The following FAP variants were observed in gnomAD, a reference collection of about 807,000 sequenced individuals.
FAP encodes fibroblast activation protein alpha.
A neutral mutation model predicts 126.5 loss-of-function variants in FAP; 110 were observed. That is an observed-to-expected ratio of 0.87 (90% CI 0.74 to 1.02). The LOEUF is 1.02. Among genes scored for constraint, FAP ranks in the 50% least tolerant of loss-of-function variants. FAP has a pLI of 0.00. For missense variants in FAP, 919 were observed against 909.2 expected (o/e 1.01, Z -0.14); for synonymous variants, 334 against 297.3 (o/e 1.12, Z -1.27).
At chr2:162,234,465 A>G (rs928506395) in intron 2 of FAP, among the ~76,000 whole-genome samples, 7 of 152,158 alleles carry the variant, frequency 4.6e-5, no homozygotes, top group African/African-American at 1.7e-4. Context: ...TGTTAGTTCT[A>G]ATAGTTTTTT....
intron 21 of FAP, chr2:162,176,803 AT>A (rs1354635491): frequency 6.6e-6 from 1 of 152,198 alleles, no homozygotes; most frequent in African/African-American, 2.4e-5. Context: ...AAGCCTTTGT[AT>A]ATCATGAAAA....
At chr2:162,222,283 C>A (rs919689410) in intron 6 of FAP, among the ~76,000 whole-genome samples, 8 of 152,112 alleles carry the variant, frequency 5.3e-5, no homozygotes, top group African/African-American at 1.9e-4. Flanking sequence ...GTGCCCCAAG[C>A]TCATTTGCAT....
intron 21 of FAP, among the ~76,000 whole-genome samples, 191 bp downstream of exon 21, chr2:162,183,223 A>T (rs1194218916): frequency 6.6e-6 from 1 of 152,188 alleles, no homozygotes; most frequent in Non-Finnish European, 1.5e-5. Context: ...AGGGAAGAAA[A>T]GATTGAAAAA....
intron 11 of FAP, among the ~76,000 whole-genome samples, chr2:162,212,055 G>A (rs1688958569): frequency 6.6e-6 from 1 of 152,142 alleles, no homozygotes; most frequent in South Asian, 2.1e-4. Context: ...ATTCAAACAT[G>A]ATATTCTAAA....
At chr2:162,183,311 T>C (rs1687753956) in intron 21 of FAP, 103 bp downstream of exon 21, 4 of 898,440 alleles carry the variant, frequency 4.5e-6, no homozygotes, top group Non-Finnish European at 7.2e-6. Context: ...GATTAAATTA[T>C]GTTGCAACAT....
At chr2:162,195,024 A>C in intron 16 of FAP, 5 of 429,072 alleles carry the variant, frequency 1.2e-5, no homozygotes, top group East Asian at 4.3e-5. Flanking sequence ...AATTACACAA[A>C]TGCACCCCAG....
chr2:162,241,321 A>G (rs986987866), intron 2 of FAP, among the ~76,000 whole-genome samples: 1 of 152,242 alleles, frequency 6.6e-6, no homozygotes, highest in Non-Finnish European at 1.5e-5. Flanking sequence ...GTATATTTAT[A>G]TGTAAGCTAT....
intron 20 of FAP, among the ~76,000 whole-genome samples, chr2:162,183,906 C>T (rs1406621557): frequency 6.6e-6 from 1 of 152,138 alleles, no homozygotes; most frequent in Non-Finnish European, 1.5e-5. Flanking sequence ...TAATGATAAT[C>T]ATCACTTCAT....
intron 11 of FAP, among the ~76,000 whole-genome samples, chr2:162,213,366 C>T (rs1471169761): frequency 5.4e-5 from 8 of 147,056 alleles, no homozygotes; most frequent in African/African-American, 7.6e-5. Flanking sequence ...CAGAGCGAGA[C>T]GCCATCTCAA....
intron 20 of FAP, among the ~76,000 whole-genome samples, chr2:162,187,019 G>T (rs533987045): frequency 6.6e-6 from 1 of 151,974 alleles, no homozygotes. Flanking sequence ...CTAATTTGTC[G>T]TATTGTACTC....
rs953484811 is a variant in FAP, at chr2:162,230,530, T to TA, written c.92-3910dup. On this transcript the variant is annotated intron_variant, in intron 2 of 25. Coordinates refer to ENST00000188790, the MANE Select transcript of FAP (RefSeq NM_004460.5). ...GGAGCTCAATAAATATTTGCTGAAT[T>TA]AAAAAAAAAACCAACTTGACAGATT... Among the ~76,000 whole-genome samples the TA allele has an allele frequency of 4.7e-5, 7 of 149,080 alleles. No individual in the cohort carries two copies. In the East Asian group the frequency reaches 5.9e-4, roughly 12 times the overall value.
chr2:162,197,864 C>T (rs1242652305), intron 16 of FAP: 1 of 337,388 alleles, frequency 3.0e-6, no homozygotes, highest in East Asian at 7.9e-5. Context: ...TCCAAGTACT[C>T]TAACTCTCAG....
intron 12 of FAP, among the ~76,000 whole-genome samples, chr2:162,205,295 C>T (rs1335419228): frequency 1.3e-5 from 2 of 152,126 alleles, no homozygotes; most frequent in Non-Finnish European, 2.9e-5. Context: ...ATAAGACCAA[C>T]CTTGGTAGGA....
At chr2:162,234,141 T>C (rs1461575854) in intron 2 of FAP, among the ~76,000 whole-genome samples, 1 of 152,178 alleles carries the variant, frequency 6.6e-6, no homozygotes, top group Non-Finnish European at 1.5e-5. Context: ...GAAGTGTGAT[T>C]CCTCTAAGTT....
intron 12 of FAP, among the ~76,000 whole-genome samples, chr2:162,207,695 A>C (rs1559778829): frequency 6.7e-6 from 1 of 150,356 alleles, no homozygotes; most frequent in Non-Finnish European, 1.5e-5. Flanking sequence ...AAGGAGACAT[A>C]TGTGCCTCCA....
intron 10 of FAP, among the ~76,000 whole-genome samples, chr2:162,214,989 G>C (rs1218582248): frequency 1.3e-5 from 2 of 152,010 alleles, no homozygotes; most frequent in Non-Finnish European, 1.5e-5. Context: ...TGGACTCCTT[G>C]TGTTATGCTC....
At chr2:162,195,522 G>C (rs527955636) in intron 16 of FAP, among the ~76,000 whole-genome samples, 2 of 151,756 alleles carry the variant, frequency 1.3e-5, no homozygotes, top group African/African-American at 2.4e-5. Context: ...TCCCGGGTTG[G>C]GGGGAGGTAG....
At chr2:162,205,911 A>C (rs1266487790) in intron 12 of FAP, among the ~76,000 whole-genome samples, 4 of 152,234 alleles carry the variant, frequency 2.6e-5, no homozygotes, top group Non-Finnish European at 5.9e-5. Context: ...TTAAGGTACC[A>C]CAGTAAAAAG....
At chr2:162,235,171 G>A (rs1351171202) in intron 2 of FAP, among the ~76,000 whole-genome samples, 11 of 52,846 alleles carry the variant, frequency 2.1e-4, no homozygotes, top group Non-Finnish European at 9.1e-5. Context: ...CGCACCGCCC[G>A]CCCCCTGTCA....
Sources: allele counts gnomAD v4.1 joint callset (sites outside exome capture counted in the v4.1 genomes callset), GRCh38; gene constraint gnomAD v4.1.1; transcripts MANE v1.5; gene names NCBI Gene and HGNC (gene_info 2026-07-23, HGNC 2026-07-21).